The following MICAL3 variants were observed in gnomAD, a reference collection of about 807,000 sequenced individuals.
The protein encoded by MICAL3 is microtubule associated monooxygenase, calponin and LIM domain containing 3, also known as [F-actin]-monooxygenase MICAL3.
MICAL3 carries 62 observed loss-of-function variants against 207.4 expected under a neutral mutation model. The observed-to-expected ratio is 0.30, with a 90% CI of 0.24 to 0.37. The LOEUF (loss-of-function observed/expected upper bound fraction) is 0.37. Among genes scored for constraint, MICAL3 ranks in the 10% least tolerant of loss-of-function variants. The pLI is 1.00. For missense variants in MICAL3, 2,368 were observed against 2,635.6 expected (o/e 0.90, Z 2.22); for synonymous variants, 1,077 against 1,069.3 (o/e 1.01, Z -0.14).
intron 22 of MICAL3, 149 bp downstream of exon 22, chr22:17,827,495 C>A: frequency 2.6e-6 from 2 of 760,010 alleles, no homozygotes; most frequent in Non-Finnish European, 4.0e-6. Flanking sequence ...ACAGGTGTCA[C>A]AACTGACAGC....
At chr22:18,011,343 G>A (rs562701798) in intron 1 of MICAL3, among the ~76,000 whole-genome samples, 2 of 150,762 alleles carry the variant, frequency 1.3e-5, no homozygotes, top group African/African-American at 4.9e-5. Context: ...GTCGGAGTTC[G>A]AGACCAGCCT....
chr22:17,881,421 GC>G (rs1210352246), intron 16 of MICAL3: 1 of 785,372 alleles, frequency 1.3e-6, no homozygotes, highest in African/African-American at 1.7e-5. Context: ...GCCTTTCCTT[GC>G]CCCTCCATCC....
intron 29 of MICAL3, among the ~76,000 whole-genome samples, chr22:17,805,854 G>A (rs1201484554): frequency 1.3e-5 from 2 of 152,222 alleles, no homozygotes; most frequent in Admixed American, 6.5e-5. Context: ...TCAGCCTCCC[G>A]AGTAGCTGGG....
chr22:17,861,110 T>C (rs566832418), intron 19 of MICAL3: 2 of 985,414 alleles, frequency 2.0e-6, no homozygotes, highest in South Asian at 4.7e-5. Context: ...AAGCTTTCCA[T>C]AAATGCCTAG....
chr22:17,965,785 T>C (rs1031029837), intron 1 of MICAL3, among the ~76,000 whole-genome samples: 1 of 152,146 alleles, frequency 6.6e-6, no homozygotes, highest in East Asian at 1.9e-4. Flanking sequence ...TATCTGCAAG[T>C]TACAGATAAG....
chr22:17,910,741 T>C (rs1333764221), intron 1 of MICAL3, among the ~76,000 whole-genome samples: 1 of 152,142 alleles, frequency 6.6e-6, no homozygotes, highest in Non-Finnish European at 1.5e-5. Context: ...CCTGTCTCAC[T>C]CTGCAAGGGG....
chr22:17,961,379 C>T (rs755824551), intron 1 of MICAL3, among the ~76,000 whole-genome samples: 62 of 152,292 alleles, frequency 4.1e-4, no homozygotes, highest in Middle Eastern at 3.4e-3. Context: ...GAATAACCCG[C>T]GGCCATTCTC....
At chr22:17,803,858 T>C (rs1182062070) in intron 29 of MICAL3, 2 of 985,622 alleles carry the variant, frequency 2.0e-6, no homozygotes, top group East Asian at 1.1e-4. Context: ...CTCTCCCCAA[T>C]AGTCTACAAC....
At chr22:17,996,220 A>C in intron 1 of MICAL3, among the ~76,000 whole-genome samples, 1 of 151,586 alleles carries the variant, frequency 6.6e-6, no homozygotes, top group Non-Finnish European at 1.5e-5. Context: ...CCAGTGGATC[A>C]CAAGGTCAGG....
chr22:18,005,324 T>G (rs1205380667), intron 1 of MICAL3: 1 of 152,306 alleles, frequency 6.6e-6, no homozygotes, highest in African/African-American at 2.4e-5. Context: ...TTGGTAGAAG[T>G]CTATTCACAG....
At chr22:17,921,022 T>C (rs1932788852) in intron 1 of MICAL3, among the ~76,000 whole-genome samples, 1 of 152,166 alleles carries the variant, frequency 6.6e-6, no homozygotes, top group Admixed American at 6.5e-5. Flanking sequence ...CCCTCGCATT[T>C]TGCCCACAAG....
chr22:17,849,433 C>T (rs11702996), intron 19 of MICAL3, among the ~76,000 whole-genome samples: 8,578 of 152,292 alleles, frequency 0.056, 317 homozygotes, highest in Non-Finnish European at 0.088. Flanking sequence ...ATCTTGGGCT[C>T]AGGTGGTCCT....
At chr22:18,013,510 G>A (rs1344014172) in intron 1 of MICAL3, among the ~76,000 whole-genome samples, 1 of 152,202 alleles carries the variant, frequency 6.6e-6, no homozygotes, top group Non-Finnish European at 1.5e-5. Context: ...GTGGGGTCAT[G>A]ACAAGAGCAT....
intron 1 of MICAL3, among the ~76,000 whole-genome samples, chr22:17,985,959 T>C (rs1460252586): frequency 1.3e-5 from 2 of 152,092 alleles, no homozygotes; most frequent in African/African-American, 4.8e-5. Context: ...CAGGGTGGAG[T>C]GCAGTGGCAG....
intron 19 of MICAL3, among the ~76,000 whole-genome samples, chr22:17,846,413 G>A (rs971567622): frequency 4.6e-5 from 7 of 151,762 alleles, no homozygotes; most frequent in Admixed American, 4.6e-4. Context: ...AAAACCACAC[G>A]CACAAACACA....
chr22:17,877,351 G>A (rs796975099), intron 16 of MICAL3, among the ~76,000 whole-genome samples: 1 of 23,990 alleles, frequency 4.2e-5, no homozygotes, highest in Non-Finnish European at 7.5e-5. Flanking sequence ...AGGGAGGTTA[G>A]GGAGGTTATG....
chr22:18,010,480 G>C (rs898491425), intron 1 of MICAL3, among the ~76,000 whole-genome samples: 4 of 152,152 alleles, frequency 2.6e-5, no homozygotes, highest in Admixed American at 2.0e-4. Flanking sequence ...GTCTTTGTCA[G>C]GTGGAAAGTG....
At chr22:17,861,970 A>G (rs1926565607) in intron 19 of MICAL3, 3 of 985,302 alleles carry the variant, frequency 3.0e-6, no homozygotes, top group South Asian at 9.4e-5. Flanking sequence ...TTTTGGCATA[A>G]AAAGAAAAAG....
chr22:17,976,893 G>A (rs1255269774), intron 1 of MICAL3, among the ~76,000 whole-genome samples: 2 of 149,450 alleles, frequency 1.3e-5, no homozygotes, highest in South Asian at 2.1e-4. Context: ...TGCAAGCTCC[G>A]CCTCCCAGGT....
Sources: gnomAD v4.1 joint callset for allele counts (sites outside exome capture counted in the v4.1 genomes callset) on GRCh38, gnomAD v4.1.1 for gene constraint, MANE v1.5 for transcripts, NCBI Gene and HGNC (gene_info 2026-07-23, HGNC 2026-07-21) for gene names.